Variants in LACTB2 observed in about 807,000 individuals in gnomAD.
LACTB2 encodes lactamase beta 2, also known as endoribonuclease LACTB2.
A neutral mutation model predicts 34.8 loss-of-function variants in LACTB2; 32 were observed. The observed-to-expected ratio is 0.92, with a 90% confidence interval of 0.69 to 1.24. The LOEUF (loss-of-function observed/expected upper bound fraction) is 1.24, where lower values mean the gene tolerates loss of function less well. Among genes scored for constraint, LACTB2 ranks in the 50% most tolerant of loss-of-function variants. LACTB2 has a pLI of 0.00. For synonymous variants in LACTB2, 120 were observed against 117.5 expected (o/e 1.02, Z -0.14); for missense variants, 320 against 345.0 (o/e 0.93, Z 0.57).
At chr8:70,668,509 AG>A (rs1286524985) in intron 1 of LACTB2, among the ~76,000 whole-genome samples, 2 of 152,242 alleles carry the variant, frequency 1.3e-5, no homozygotes, top group East Asian at 3.9e-4. Flanking sequence ...CAGGCTGCAG[AG>A]AACCAATTTG....
At chr8:70,661,921 C>A in intron 1 of LACTB2, 24 bp from the exon 2 acceptor site, 1 of 1,583,176 alleles carries the variant, frequency 6.3e-7, no homozygotes, top group African/African-American at 1.3e-5. Flanking sequence ...GGAAGATAAT[C>A]ACACAATTGG....
At chr8:70,645,160 G>T (rs1454305663) in intron 3 of LACTB2, among the ~76,000 whole-genome samples, 2 of 152,024 alleles carry the variant, frequency 1.3e-5, no homozygotes, top group African/African-American at 4.8e-5. Context: ...TTCTCACCCA[G>T]GCTGAAGCGT....
At chr8:70,664,848 G>T (rs1270309674) in intron 1 of LACTB2, among the ~76,000 whole-genome samples, 1 of 152,022 alleles carries the variant, frequency 6.6e-6, no homozygotes, top group African/African-American at 2.4e-5. Flanking sequence ...CTTCAGAAAG[G>T]CTAAGTGATT....
intron 3 of LACTB2, among the ~76,000 whole-genome samples, chr8:70,655,821 G>A (rs867060191): frequency 1.3e-5 from 2 of 152,104 alleles, no homozygotes; most frequent in African/African-American, 4.8e-5. Context: ...CACCAGCAGT[G>A]TAGAAAGTGT....
intron 4 of LACTB2, among the ~76,000 whole-genome samples, chr8:70,642,031 T>C (rs1427971667): frequency 2.6e-5 from 4 of 152,178 alleles, no homozygotes; most frequent in African/African-American, 7.2e-5. Flanking sequence ...CAAAACCTGA[T>C]GGCTAGAAGA....
At chr8:70,653,477 C>A (rs1290999819) in intron 3 of LACTB2, among the ~76,000 whole-genome samples, 2 of 152,108 alleles carry the variant, frequency 1.3e-5, no homozygotes, top group Admixed American at 1.3e-4. Context: ...AAGGGGGCAC[C>A]AATTTAAAAG....
At chr8:70,654,284 A>G (rs1485116190) in intron 3 of LACTB2, among the ~76,000 whole-genome samples, 1 of 152,174 alleles carries the variant, frequency 6.6e-6, no homozygotes, top group Non-Finnish European at 1.5e-5. Context: ...ATAAACAGGC[A>G]TAATATGCCC....
chr8:70,648,045 A>C (rs1469898110), intron 3 of LACTB2, among the ~76,000 whole-genome samples: 1 of 152,212 alleles, frequency 6.6e-6, no homozygotes, highest in Non-Finnish European at 1.5e-5. Context: ...TTTACGCTAC[A>C]TGAAGATTAG....
At chr8:70,666,826 A>G (rs1434228235) in intron 1 of LACTB2, among the ~76,000 whole-genome samples, 2 of 152,172 alleles carry the variant, frequency 1.3e-5, no homozygotes, top group Non-Finnish European at 2.9e-5. Context: ...TTATCAAGAT[A>G]TGAACAACTG....
intron 3 of LACTB2, among the ~76,000 whole-genome samples, 197 bp downstream of exon 3, chr8:70,657,559 A>G (rs1217961076): frequency 6.6e-6 from 1 of 151,748 alleles, no homozygotes; most frequent in African/African-American, 2.4e-5. Context: ...AGCCTCCTGA[A>G]TAGCAGGATT....
intron 2 of LACTB2, 58 bp downstream of exon 2, chr8:70,661,676 T>G: frequency 2.0e-6 from 3 of 1,477,900 alleles, no homozygotes; most frequent in Non-Finnish European, 2.8e-6. Context: ...GTAACTGAAA[T>G]AAATTATTCT....
intron 1 of LACTB2, among the ~76,000 whole-genome samples, chr8:70,666,578 A>C (rs756600692): frequency 6.6e-6 from 1 of 152,230 alleles, no homozygotes; most frequent in Non-Finnish European, 1.5e-5. Flanking sequence ...AAGGCCTTCC[A>C]GTTTTAATTC....
At position 70,651,116 on chromosome 8, in the gene LACTB2, A is replaced by G. The variant is rs73685695; in HGVS notation, c.413+6640T>C. On this transcript the variant is annotated intron_variant, in intron 3 of 6. Coordinates refer to ENST00000276590, the MANE Select transcript of LACTB2 (RefSeq NM_016027.3). ...TATAAAAACCAACCAAATCCTTAAT[A>G]TTAAATATTGAAACTGTAAAGACTT... 5.4e-3 allele frequency among the ~76,000 whole-genome samples: 824 copies of G among 152,232 alleles called. 11 individuals are homozygous for G. Among genetic ancestry groups the G allele is most frequent in the African/African-American group, 0.019 (790 of 41,562 alleles).
chr8:70,645,057 T>A (rs1339415271), intron 3 of LACTB2, among the ~76,000 whole-genome samples: 2 of 151,998 alleles, frequency 1.3e-5, no homozygotes, highest in East Asian at 3.8e-4. Context: ...ATTTTATATA[T>A]ATATATACAC....
intron 4 of LACTB2, among the ~76,000 whole-genome samples, chr8:70,643,208 C>CATTTTTTTTTTTT (rs1818221357): frequency 6.6e-5 from 5 of 76,194 alleles, no homozygotes; most frequent in Non-Finnish European, 1.0e-4. Flanking sequence ...GTGTATTTTC[C>CATTTTTTTTTTTT]TTTTTTTTTT....
Position 70,640,926 on chromosome 8 carries a change from C to T in LACTB2, c.717G>A (p.Met239Ile). The T allele has an allele frequency of 6.2e-7, 1 of 1,601,260 alleles. No individual in the cohort carries two copies. The highest frequency in any genetic ancestry group is 1.7e-5 in the Admixed American group (1 of 57,292). The stretch of plus-strand genomic sequence containing the variant: ...CCTTGTAAATAATTTTTACAAGCTC[C>T]ATTACTGTAAATGATTTCTCAAAGT... ...RENFEKSFTV[M>I]ELVKIIYKNT... Residue 239 changes from methionine (M) to isoleucine (I), a missense_variant, in exon 5 of 7, where the codon ATG becomes ATA. Physicochemically the swap from Met to Ile is conservative, Grantham distance 10. Transcript: ENST00000276590.
chr8:70,660,918 C>A (rs1166758525), intron 2 of LACTB2: 1 of 455,790 alleles, frequency 2.2e-6, no homozygotes, highest in South Asian at 1.5e-5. Flanking sequence ...GCTGGGACTG[C>A]AGGTGCACGC....
chr8:70,639,870 G>A (rs1818173739), intron 5 of LACTB2, among the ~76,000 whole-genome samples: 1 of 152,132 alleles, frequency 6.6e-6, no homozygotes, highest in South Asian at 2.1e-4. Flanking sequence ...GCTGAGGCAG[G>A]AGAATCGCGT....
rs1240488034 is a variant in LACTB2, at chr8:70,661,716, T to C, written c.286+18A>G. ...ACACGGCTTTCCTCAATGAGCTTAA[T>C]GAATGTTTTCTGTTTACCATTATTG... On this transcript the variant is annotated intron_variant, in intron 2 of 6. Transcript: ENST00000276590. The C allele has an allele frequency of 5.0e-6, 8 of 1,602,166 alleles. No homozygotes were observed. The highest frequency in any genetic ancestry group is 6.8e-6 in the Non-Finnish European group (8 of 1,173,796).
Sources: allele counts gnomAD v4.1 joint callset (sites outside exome capture counted in the v4.1 genomes callset), GRCh38; gene constraint gnomAD v4.1.1; transcripts MANE v1.5; gene names NCBI Gene and HGNC (gene_info 2026-07-23, HGNC 2026-07-21).